UBR3: variants seen among roughly 807,000 people sequenced by gnomAD.
UBR3 encodes E3 ubiquitin-protein ligase UBR3.
UBR3 carries 85 observed loss-of-function variants against 243.2 expected under a neutral mutation model. The observed-to-expected ratio is 0.35, with a 90% CI of 0.29 to 0.42. The LOEUF is 0.42. Ranked by LOEUF, UBR3 falls within the 10% of genes least tolerant of loss-of-function variation. The pLI, the probability that UBR3 is intolerant of heterozygous loss-of-function variation, is 1.00. For missense variants in UBR3, 1,686 were observed against 2,300.8 expected, an observed-to-expected ratio of 0.73 and a Z score of 5.47; for synonymous variants, 748 against 799.8, an observed-to-expected ratio of 0.94 and a Z score of 1.09.
intron 23 of UBR3, among the ~76,000 whole-genome samples, chr2:169,954,884 T>C (rs566150952): frequency 3.4e-4 from 52 of 152,278 alleles, no homozygotes; most frequent in African/African-American, 1.3e-3. Flanking sequence ...GTAATATTTC[T>C]TATAGCAGAA....
rs144046480 is a variant in UBR3 at position 169,961,667 on chromosome 2, T to C, written c.3634+3141T>C. ...CTTTTGTCTTTTACCGTTCATTTGATAAAAAGTCTGGTGGTAATCTAATTC... is the reference window on the plus strand; with the variant it reads ...CTTTTGTCTTTTACCGTTCATTTGACAAAAAGTCTGGTGGTAATCTAATTC... On this transcript the variant is annotated intron_variant, in intron 24 of 38. Coordinates refer to ENST00000272793, the MANE Select transcript of UBR3 (RefSeq NM_172070.4). 1.4e-4 allele frequency among the ~76,000 whole-genome samples: 21 copies of C among 152,314 alleles called. No homozygotes were observed. In the East Asian group the frequency reaches 3.1e-3, roughly 22 times the overall value.
At chr2:169,840,481 G>T (rs1044685633) in intron 1 of UBR3, among the ~76,000 whole-genome samples, 1 of 152,166 alleles carries the variant, frequency 6.6e-6, no homozygotes, top group South Asian at 2.1e-4. Context: ...ACCTCTCACC[G>T]GTTGGAATCA....
At chr2:169,851,564 T>C (rs1450314015) in intron 1 of UBR3, among the ~76,000 whole-genome samples, 1 of 152,198 alleles carries the variant, frequency 6.6e-6, no homozygotes, top group African/African-American at 2.4e-5. Flanking sequence ...TAGAGAATCT[T>C]ACTCAATGAG....
intron 30 of UBR3, 56 bp downstream of exon 30, chr2:170,015,422 G>A: frequency 2.1e-6 from 3 of 1,396,814 alleles, no homozygotes; most frequent in Non-Finnish European, 3.0e-6. Flanking sequence ...TGGAAGCATT[G>A]ACAGGAAAAG....
intron 32 of UBR3, among the ~76,000 whole-genome samples, chr2:170,049,902 T>C (rs1215586028): frequency 6.6e-6 from 1 of 152,216 alleles, no homozygotes; most frequent in African/African-American, 2.4e-5. Context: ...AACACAATAC[T>C]CTTATTTTAT....
chr2:170,077,936 T>C, intron 36 of UBR3: 1 of 539,980 alleles, frequency 1.9e-6, no homozygotes, highest in Non-Finnish European at 3.5e-6. Context: ...AAGTTACATT[T>C]AGACAGAGGG....
chr2:169,903,015 A>G (rs576922487), intron 8 of UBR3, among the ~76,000 whole-genome samples: 4 of 152,318 alleles, frequency 2.6e-5, no homozygotes, highest in South Asian at 2.1e-4. Flanking sequence ...GTTAATCTCC[A>G]TGAAGACAGA....
At chr2:169,861,746 G>A (rs1010286567) in intron 1 of UBR3, among the ~76,000 whole-genome samples, 1 of 151,902 alleles carries the variant, frequency 6.6e-6, no homozygotes, top group Non-Finnish European at 1.5e-5. Flanking sequence ...AAATCTGGTG[G>A]CTTCTAGATT....
intron 32 of UBR3, among the ~76,000 whole-genome samples, chr2:170,042,955 A>C (rs541660310): frequency 5.9e-5 from 9 of 152,022 alleles, no homozygotes; most frequent in African/African-American, 2.2e-4. Context: ...ATTAGTTTCA[A>C]ATTCTTTAGG....
At chr2:170,040,773 G>A (rs1288360398) in intron 31 of UBR3, 109 bp from the exon 32 acceptor site, 2 of 845,548 alleles carry the variant, frequency 2.4e-6, no homozygotes, top group East Asian at 2.9e-5. Context: ...TTTCTTCTTT[G>A]TGTATTAAAG....
intron 19 of UBR3, among the ~76,000 whole-genome samples, chr2:169,934,563 C>T (rs936965227): frequency 1.3e-5 from 2 of 152,268 alleles, no homozygotes; most frequent in African/African-American, 4.8e-5. Context: ...TCATTTTCAT[C>T]TGCTTTTTAA....
At chr2:169,990,691 G>A (rs965466380) in intron 25 of UBR3, among the ~76,000 whole-genome samples, 8 of 146,550 alleles carry the variant, frequency 5.5e-5, no homozygotes, top group Admixed American at 4.8e-4. Flanking sequence ...CTAATCCCTG[G>A]GGTAAACACT....
At chr2:169,917,912 A>G (rs2085525689) in intron 11 of UBR3, among the ~76,000 whole-genome samples, 1 of 152,214 alleles carries the variant, frequency 6.6e-6, no homozygotes, top group Non-Finnish European at 1.5e-5. Flanking sequence ...CATGTCAGCC[A>G]GGCTGGTCTC....
At chr2:169,834,922 A>G (rs2082038475) in intron 1 of UBR3, among the ~76,000 whole-genome samples, 1 of 152,224 alleles carries the variant, frequency 6.6e-6, no homozygotes, top group African/African-American at 2.4e-5. Flanking sequence ...GCACAAAAGA[A>G]CAAATGCTTG....
intron 18 of UBR3, among the ~76,000 whole-genome samples, chr2:169,931,338 G>A (rs1258174442): frequency 5.0e-5 from 6 of 118,900 alleles, no homozygotes; most frequent in African/African-American, 6.6e-5. Flanking sequence ...GTGACAGAGC[G>A]AGAATCTGTC....
chr2:170,036,328 G>A (rs891251678), intron 31 of UBR3, among the ~76,000 whole-genome samples: 4 of 152,008 alleles, frequency 2.6e-5, no homozygotes, highest in African/African-American at 9.7e-5. Context: ...ATTAAACCCT[G>A]TAGTTGAAAT....
At chr2:169,929,995 G>A (rs1038939086) in intron 18 of UBR3, among the ~76,000 whole-genome samples, 1 of 152,178 alleles carries the variant, frequency 6.6e-6, no homozygotes, top group Non-Finnish European at 1.5e-5. Context: ...TGGTTGGAAA[G>A]TATTCCATTA....
rs541521477 is a variant in UBR3 at position 169,856,796 on chromosome 2, C to T, written c.546-15440C>T. ...AGATGGCGGCAGTACAGTCCAGCCT[C>T]GGCTTGGCATCAGAGGGAGACCGTG... On this transcript the variant is annotated intron_variant, in intron 1 of 38. Transcript: ENST00000272793. Among the ~76,000 whole-genome samples, 11 of 127,148 alleles carry T rather than the reference C, an allele frequency of 8.7e-5. No individual in the cohort carries two copies. The South Asian group carries it at 1.4e-3, about 16-fold the overall frequency. 83.4% of individuals were successfully genotyped at this position (127,148 alleles called of 152,430 possible). A position where few individuals can be genotyped will look rare whatever the true frequency, so the allele number is the denominator to read the frequency against.
At position 170,083,618 on chromosome 2, in the gene UBR3, T is replaced by C. The variant is rs1559247310; in HGVS notation, c.*1775T>C. ...TCATGAACTTGAATAATTCTACAGTTTGAAACTCTGATGCTATATATACAT... is the reference window on the plus strand; with the variant it reads ...TCATGAACTTGAATAATTCTACAGTCTGAAACTCTGATGCTATATATACAT... On this transcript the variant is annotated 3_prime_UTR_variant, in exon 39 of 39. Transcript: ENST00000272793. The C allele has an allele frequency of 6.6e-6, 1 of 152,642 alleles. No homozygotes were observed. The highest frequency in any genetic ancestry group is 1.5e-5 in the Non-Finnish European group (1 of 68,010). 9.5% of individuals were successfully genotyped at this position (152,642 alleles called of 1,614,324 possible).
Sources: gnomAD v4.1 joint callset for allele counts (sites outside exome capture counted in the v4.1 genomes callset) on GRCh38, gnomAD v4.1.1 for gene constraint, MANE v1.5 for transcripts, NCBI Gene and HGNC (gene_info 2026-07-23, HGNC 2026-07-21) for gene names.